The following NTRK3 variants were observed in gnomAD, a reference collection of about 807,000 sequenced individuals.
NTRK3 encodes the protein NT-3 growth factor receptor.
A neutral mutation model predicts 91.7 loss-of-function variants in NTRK3; 24 were observed. The ratio of observed to expected loss-of-function variants is 0.26; its 90% CI spans 0.19 to 0.37. The LOEUF (loss-of-function observed/expected upper bound fraction) is 0.37. Among genes scored for constraint, NTRK3 ranks in the 10% least tolerant of loss-of-function variants. NTRK3 has a pLI of 1.00. For synonymous variants in NTRK3, 483 were observed against 404.0 expected (o/e 1.20, Z -2.34); for missense variants, 880 against 1,068.9 (o/e 0.82, Z 2.46).
At chr15:87,872,882 A>G (rs541479131) in exon 19 of NTRK3, 11 of 233,100 alleles carry the variant, frequency 4.7e-5, no homozygotes, top group African/African-American at 2.2e-4. Context: ...AAAAATATCT[A>G]TACAAACCTC....
chr15:88,135,924 A>G, exon 9 of NTRK3: 1 of 1,614,256 alleles, frequency 6.2e-7, no homozygotes, highest in Non-Finnish European at 8.5e-7. Flanking sequence ...CAACACTGGC[A>G]TTGCTCATGC....
At chr15:88,184,658 C>T (rs56738393) in intron 3 of NTRK3, among the ~76,000 whole-genome samples, 7 of 152,180 alleles carry the variant, frequency 4.6e-5, no homozygotes, top group Non-Finnish European at 1.0e-4. Context: ...TTTTCCTATT[C>T]AGAATTTCCT....
intron 5 of NTRK3, among the ~76,000 whole-genome samples, chr15:88,181,540 G>A (rs2046458520): frequency 6.6e-6 from 1 of 152,162 alleles, no homozygotes; most frequent in Non-Finnish European, 1.5e-5. Flanking sequence ...TCTGAGGCCT[G>A]AGCACCCAGC....
intron 14 of NTRK3, among the ~76,000 whole-genome samples, chr15:88,028,104 G>T (rs975824426): frequency 1.3e-5 from 2 of 148,792 alleles, no homozygotes; most frequent in African/African-American, 4.9e-5. Context: ...TGATGATCTG[G>T]AAAGAAGGAA....
intron 3 of NTRK3, among the ~76,000 whole-genome samples, chr15:88,211,163 T>C (rs964750313): frequency 2.0e-5 from 3 of 152,202 alleles, no homozygotes; most frequent in African/African-American, 7.2e-5. Flanking sequence ...ATCCTGTATC[T>C]ATTGAGCAGT....
intron 18 of NTRK3, 38 bp downstream of exon 19, chr15:87,880,232 C>G (rs1560975): frequency 6.2e-7 from 1 of 1,612,946 alleles, no homozygotes; most frequent in Non-Finnish European, 8.5e-7. Context: ...TCTTATGAGC[C>G]CTCCCCCAAT....
chr15:88,194,309 C>A (rs1302640446), intron 3 of NTRK3, among the ~76,000 whole-genome samples: 1 of 152,266 alleles, frequency 6.6e-6, no homozygotes, highest in African/African-American at 2.4e-5. Flanking sequence ...TGATCTCCCC[C>A]AAGTGCTCTG....
At chr15:88,057,628 T>C (rs566590380) in intron 13 of NTRK3, among the ~76,000 whole-genome samples, 72 of 152,316 alleles carry the variant, frequency 4.7e-4, no homozygotes, top group African/African-American at 1.7e-3. Flanking sequence ...TCCTTCTACA[T>C]TGCTATTGAC....
intron 17 of NTRK3, among the ~76,000 whole-genome samples, chr15:87,884,197 G>A (rs753920076): frequency 3.3e-5 from 5 of 151,470 alleles, no homozygotes; most frequent in Non-Finnish European, 7.4e-5. Context: ...ATTAATAAGG[G>A]ATGTAGAGGA....
At chr15:87,964,591 A>G (rs1291955663) in intron 14 of NTRK3, among the ~76,000 whole-genome samples, 1 of 152,142 alleles carries the variant, frequency 6.6e-6, no homozygotes, top group Non-Finnish European at 1.5e-5. Context: ...AGCATAAACC[A>G]GTTTTCAAAC....
intron 5 of NTRK3, among the ~76,000 whole-genome samples, chr15:88,176,346 A>T (rs548696744): frequency 2.9e-3 from 447 of 152,272 alleles, no homozygotes; most frequent in South Asian, 0.012. Flanking sequence ...CATGTTGGTC[A>T]GAATGGTCTC....
chr15:87,984,411 T>C (rs1398705888), intron 14 of NTRK3, among the ~76,000 whole-genome samples: 1 of 152,228 alleles, frequency 6.6e-6, no homozygotes, highest in African/African-American at 2.4e-5. Context: ...TTATGATTGA[T>C]TTGTTCTGTA....
At chr15:87,901,764 A>AG (rs1054017676) in intron 17 of NTRK3, among the ~76,000 whole-genome samples, 7 of 124,470 alleles carry the variant, frequency 5.6e-5, no homozygotes, top group South Asian at 4.9e-4. Context: ...AAAGTTGGGG[A>AG]GGGGGGGAGA....
At chr15:87,938,394 G>A (rs1234181830) in intron 15 of NTRK3, among the ~76,000 whole-genome samples, 1 of 152,186 alleles carries the variant, frequency 6.6e-6, no homozygotes, top group Admixed American at 6.5e-5. Context: ...AAAAGAAGTG[G>A]AATCTAAGGA....
Position 88,234,417 on chromosome 15 carries a change from T to C in NTRK3, c.248+21489A>G, listed in dbSNP as rs765962689. ...CATCATTATAAGAAGCCCATATTCCTTGGGCCTGCACAGTCTCTCCCCTCT... is the reference window on the plus strand; with the variant it reads ...CATCATTATAAGAAGCCCATATTCCCTGGGCCTGCACAGTCTCTCCCCTCT... On this transcript the variant is annotated intron_variant, in intron 3 of 18. Transcript: ENST00000394480. This position sits in a 1 kb window ranked among gnomAD's most constrained non-coding sequence, Gnocchi z 6.1. 1.3e-5 allele frequency among the ~76,000 whole-genome samples: 2 copies of C among 152,194 alleles called. No individual in the cohort carries two copies. Among genetic ancestry groups the C allele is most frequent in the Non-Finnish European group, 2.9e-5 (2 of 68,034 alleles).
intron 13 of NTRK3, among the ~76,000 whole-genome samples, chr15:88,094,146 A>G (rs1211892092): frequency 6.6e-6 from 1 of 152,148 alleles, no homozygotes; most frequent in Non-Finnish European, 1.5e-5. Context: ...CTTTGGAAGA[A>G]GTGGGCTGCA....
chr15:88,106,957 T>C (rs1326210676), intron 13 of NTRK3, among the ~76,000 whole-genome samples: 1 of 150,488 alleles, frequency 6.6e-6, no homozygotes, highest in Non-Finnish European at 1.5e-5. Context: ...AAAAAAAGTA[T>C]GGGAATATAG....
At chr15:88,066,326 A>G (rs2142580143) in intron 13 of NTRK3, among the ~76,000 whole-genome samples, 1 of 152,258 alleles carries the variant, frequency 6.6e-6, no homozygotes, top group Middle Eastern at 3.4e-3. Context: ...GGGAAAGGAG[A>G]GTAAGATACT....
intron 7 of NTRK3, 76 bp from the exon 8 acceptor site, chr15:88,136,685 T>G: frequency 6.5e-7 from 1 of 1,542,658 alleles, no homozygotes; most frequent in East Asian, 2.4e-5. Flanking sequence ...ATGGGGCTGA[T>G]GGTGGCACTT....
Sources: gnomAD v4.1 joint callset for allele counts (sites outside exome capture counted in the v4.1 genomes callset) on GRCh38, gnomAD v4.1.1 for gene constraint, Gnocchi (gnomAD v3.1) non-coding constraint, MANE v1.5 for transcripts, NCBI Gene and HGNC (gene_info 2026-07-23, HGNC 2026-07-21) for gene names.